MUC17: variants seen among roughly 807,000 people sequenced by gnomAD.
The protein encoded by MUC17 is mucin-17.
MUC17 carries 190 observed loss-of-function variants against 170.3 expected under a neutral mutation model. The ratio of observed to expected loss-of-function variants is 1.12; its 90% CI spans 0.99 to 1.26. MUC17 has a LOEUF of 1.26. Ranked by LOEUF, MUC17 falls within the 50% of genes most tolerant of loss-of-function variation. The pLI, the probability that MUC17 is intolerant of heterozygous loss-of-function variation, is 0.00. For missense variants in MUC17, 6,415 were observed against 5,530.0 expected, an observed-to-expected ratio of 1.16 and a Z score of -5.08; for synonymous variants, 2,325 against 2,002.5, an observed-to-expected ratio of 1.16 and a Z score of -4.30.
chr7:101,028,582 T>C (rs1027767625), intron 1 of MUC17, among the ~76,000 whole-genome samples: 1 of 152,046 alleles, frequency 6.6e-6, no homozygotes, highest in Non-Finnish European at 1.5e-5. Flanking sequence ...GGAACAGTTA[T>C]AGAAGCTATT....
chr7:101,046,891 A>C (rs542642655), intron 3 of MUC17, among the ~76,000 whole-genome samples: 25 of 152,126 alleles, frequency 1.6e-4, no homozygotes, highest in African/African-American at 5.8e-4. Flanking sequence ...CATCCTGGCT[A>C]ACACGGTGAA....
rs540696964 is a variant in MUC17, at chr7:101,043,504, G to A, written c.12088G>A (p.Ala4030Thr). ...GCTTSASTLS[A>T]TSTPHTSTSV... ...CACTACTTCTGCATCAACGCTTTCT[G>A]CAACCAGTACACCTCACACCTCTAC... Residue 4030 changes from alanine (A) to threonine (T), a missense_variant, in exon 3 of 13, where the codon GCA becomes ACA. By Grantham distance (58) the Ala-to-Thr change is moderately conservative. Coordinates refer to ENST00000306151, the MANE Select transcript of MUC17 (RefSeq NM_001040105.2). The A allele has an allele frequency of 2.5e-6, 4 of 1,614,144 alleles. No individual in the cohort carries two copies. The Middle Eastern group carries it at 4.9e-4, about 200-fold the overall frequency.
rs1281237045 is a variant in MUC17, at chr7:101,037,771, G to T, written c.6355G>T (p.Ala2119Ser). The T allele has an allele frequency of 6.2e-7, 1 of 1,613,092 alleles. No homozygotes were observed. Among genetic ancestry groups the T allele is most frequent in the Non-Finnish European group, 8.5e-7 (1 of 1,179,502 alleles). ...LSTTPVASPE[A>S]STLSTTPVDS... Reference sequence around the variant, plus strand: ...CACCACGCCGGTGGCCAGTCCTGAGGCTAGCACCCTTTCAACAACTCCTGT... The same window carrying T: ...CACCACGCCGGTGGCCAGTCCTGAGTCTAGCACCCTTTCAACAACTCCTGT... Residue 2119 changes from alanine (A) to serine (S), a missense_variant, in exon 3 of 13, where the codon GCT (alanine) becomes TCT (serine). Coordinates refer to ENST00000306151, the MANE Select transcript of MUC17 (RefSeq NM_001040105.2).
rs535176046 is a variant in MUC17 at position 101,039,987 on chromosome 7, C to G, written c.8571C>G (p.Ile2857Met). The change falls in exon 3 of 13, where the codon ATC becomes ATG. Residue 2857 changes from isoleucine to methionine, a missense_variant. Transcript: ENST00000306151. ...ASSSPTTAEG[I>M]VVPISTASEG... ...CATCTCCTACAACTGCTGAAGGTAT[C>G]GTCGTGCCAATCTCAACTGCTAGTG... 2 of 1,613,198 alleles carry G rather than the reference C, an allele frequency of 1.2e-6. No homozygotes were observed. The highest frequency in any genetic ancestry group is 2.7e-5 in the African/African-American group (2 of 74,764).
At chr7:101,027,186 G>T (rs1794195873) in intron 1 of MUC17, among the ~76,000 whole-genome samples, 1 of 151,954 alleles carries the variant, frequency 6.6e-6, no homozygotes, top group East Asian at 1.9e-4. Context: ...GTAATAAAAA[G>T]AAATTATATT....
intron 12 of MUC17, among the ~76,000 whole-genome samples, 169 bp downstream of exon 12, chr7:101,056,439 G>A (rs1438323153): frequency 6.6e-6 from 1 of 152,174 alleles, no homozygotes; most frequent in Non-Finnish European, 1.5e-5. Context: ...CTCAGGGGAA[G>A]AATAAAAGCT....
rs1794874872 is a variant in MUC17, at chr7:101,048,129, C to CT, written c.12535+14_12535+15insT. Reference sequence around the variant, plus strand: ...GCATTGACATAGGTGAGTGCAACCCCAGGCCTTCCCCCACCCCATGCCCTG... The same window carrying CT: ...GCATTGACATAGGTGAGTGCAACCCCTAGGCCTTCCCCCACCCCATGCCCTG... On this transcript the variant is annotated intron_variant, in intron 4 of 12. Coordinates refer to ENST00000306151, the MANE Select transcript of MUC17 (RefSeq NM_001040105.2). The CT allele has an allele frequency of 3.9e-6, 6 of 1,555,684 alleles. No individual in the cohort carries two copies. In the South Asian group the frequency reaches 7.2e-5, roughly 19 times the overall value.
At chr7:101,056,480 C>G (rs1795047869) in intron 12 of MUC17, among the ~76,000 whole-genome samples, 1 of 152,196 alleles carries the variant, frequency 6.6e-6, no homozygotes, top group Non-Finnish European at 1.5e-5. Flanking sequence ...TTTCCTTTGA[C>G]CCCTGAGGCT....
Position 101,035,957 on chromosome 7 carries a change from C to G in MUC17, c.4541C>G (p.Thr1514Ser). ...IAISTPSEGSTALTSIPVSTT... is the reference protein window; with the variant it reads ...IAISTPSEGSSALTSIPVSTT... ...ATCTCAACGCCTAGTGAAGGAAGCA[C>G]TGCATTAACAAGTATACCTGTCAGC... Residue 1514 changes from threonine to serine, a missense_variant, in exon 3 of 13, where the codon ACT (threonine) becomes AGT (serine). Coordinates refer to ENST00000306151, the MANE Select transcript of MUC17 (RefSeq NM_001040105.2). 1 of 1,612,872 alleles carries G rather than the reference C, an allele frequency of 6.2e-7. No individual in the cohort carries two copies. Among genetic ancestry groups the G allele is most frequent in the South Asian group, 1.1e-5 (1 of 90,910 alleles).
Position 101,058,078 on chromosome 7 carries a change from T to C in MUC17, c.*34T>C. On this transcript the variant is annotated 3_prime_UTR_variant, in exon 13 of 13. Coordinates refer to ENST00000306151, the MANE Select transcript of MUC17 (RefSeq NM_001040105.2). Reference sequence around the variant, plus strand: ...GCTGAGAAGTCTGGGAGTGAGGAGATCCCAGTCCGGCTAAGCTTGGTGGAG... The same window carrying C: ...GCTGAGAAGTCTGGGAGTGAGGAGACCCCAGTCCGGCTAAGCTTGGTGGAG... The C allele has an allele frequency of 1.9e-6, 3 of 1,604,564 alleles. No homozygotes were observed. Among genetic ancestry groups the C allele is most frequent in the Admixed American group, 1.7e-5 (1 of 59,840 alleles).
chr7:101,031,276 C>G, intron 2 of MUC17, 55 bp downstream of exon 2: 14 of 1,567,996 alleles, frequency 8.9e-6, no homozygotes, highest in Non-Finnish European at 1.2e-5. Flanking sequence ...TGCGAAAGGG[C>G]TAGAGCGACC....
Position 101,036,068 on chromosome 7 carries a change from C to T in MUC17, c.4652C>T (p.Ala1551Val), listed in dbSNP as rs767001649. 3.1e-6 allele frequency: 5 copies of T among 1,611,876 alleles called. No homozygotes were observed. The highest frequency in any genetic ancestry group is 3.3e-5 in the Admixed American group (2 of 59,864). The change falls in exon 3 of 13, where the codon GCC (alanine) becomes GTC (valine). Residue 1551 changes from alanine (A) to valine (V), a missense_variant. Coordinates refer to ENST00000306151, the MANE Select transcript of MUC17 (RefSeq NM_001040105.2). ...TSTPVTTYSQ[A>V]SSSPTTADGT... Reference sequence around the variant, plus strand: ...ACACCTGTGACCACTTATTCTCAAGCCAGTTCATCTCCTACAACTGCTGAC... The same window carrying T: ...ACACCTGTGACCACTTATTCTCAAGTCAGTTCATCTCCTACAACTGCTGAC...
chr7:101,045,663 G>T (rs757111750), intron 3 of MUC17, among the ~76,000 whole-genome samples: 4 of 152,172 alleles, frequency 2.6e-5, no homozygotes, highest in Non-Finnish European at 4.4e-5. Flanking sequence ...AAAGTGTTAG[G>T]ATTACAGGTG....
chr7:101,037,202 C>T lies in MUC17; in HGVS notation c.5786C>T (p.Thr1929Ile). ...CCTAGGGAAGGAAGGCCTCCATTAA[C>T]AAGTATACCTGTCAGCACCACAACA... Reference protein sequence around the residue: ...STPREGRPPLTSIPVSTTTVA... With the variant: ...STPREGRPPLISIPVSTTTVA... Residue 1929 changes from threonine to isoleucine, a missense_variant, in exon 3 of 13, where the codon ACA (threonine) becomes ATA (isoleucine). Coordinates refer to ENST00000306151, the MANE Select transcript of MUC17 (RefSeq NM_001040105.2). The T allele has an allele frequency of 6.2e-7, 1 of 1,613,482 alleles. No homozygotes were observed. The highest frequency in any genetic ancestry group is 8.5e-7 in the Non-Finnish European group (1 of 1,179,660).
intron 1 of MUC17, among the ~76,000 whole-genome samples, chr7:101,020,675 C>T (rs954462629): frequency 2.6e-5 from 4 of 152,074 alleles, no homozygotes; most frequent in African/African-American, 7.2e-5. Context: ...GGAATGTTTC[C>T]GGGACATAGC....
At position 101,039,587 on chromosome 7, in the gene MUC17, C is replaced by A; in HGVS notation, c.8171C>A (p.Thr2724Asn). The change falls in exon 3 of 13, where the codon ACC becomes AAC. Residue 2724 changes from threonine (T) to asparagine (N), a missense_variant. Physicochemically the swap from Thr to Asn is moderately conservative, Grantham distance 65 (BLOSUM62 0). Coordinates refer to ENST00000306151, the MANE Select transcript of MUC17 (RefSeq NM_001040105.2). ...CCTGTTGACACCAGCACACCTGTCA[C>A]CACTTCTGCTGAAGCCAGTTCTTCT... is the stretch of plus-strand genomic sequence containing the variant. ...TTPVDTSTPV[T>N]TSAEASSSPT... 6.2e-7 allele frequency: 1 copy of A among 1,612,638 alleles called. No homozygotes were observed. The highest frequency in any genetic ancestry group is 8.5e-7 in the Non-Finnish European group (1 of 1,179,214).
At chr7:101,053,308 A>C (rs1794987747) in intron 10 of MUC17, 31 bp from the exon 11 acceptor site, 1 of 1,602,636 alleles carries the variant, frequency 6.2e-7, no homozygotes, top group African/African-American at 1.3e-5. Flanking sequence ...CCCCAATCCT[A>C]ATGGGGTCTC....
Position 101,043,689 on chromosome 7 carries a change from CATGA to C in MUC17, c.12274_12277del (p.Met4092ProfsTer16), listed in dbSNP as rs750560882. On this transcript the variant is annotated frameshift_variant, in exon 3 of 13. Transcript: ENST00000306151. LOFTEE classifies it high-confidence loss of function. Reference sequence around the variant, plus strand: ...CTGTGAACCCTGAGGCTGTCACCACCATGACCACCAGGACAAAACCCAGCACACG... The same window carrying C: ...CTGTGAACCCTGAGGCTGTCACCACCCCACCAGGACAAAACCCAGCACACG... The C allele has an allele frequency of 1.2e-6, 2 of 1,614,170 alleles. No individual in the cohort carries two copies. Among genetic ancestry groups the C allele is most frequent in the Non-Finnish European group, 1.7e-6 (2 of 1,180,046 alleles).
Position 101,031,672 on chromosome 7 carries a change from A to G in MUC17, c.256A>G (p.Ser86Gly), listed in dbSNP as rs781190772. ...GGAGCCAAGAATGTATTTGAGTTGC[A>G]GCACCAACCCTGAGATGACCTCGAT... Reference protein sequence around the residue: ...VVEPRMYLSCSTNPEMTSIES... With the variant: ...VVEPRMYLSCGTNPEMTSIES... The change falls in exon 3 of 13, where the codon AGC (serine) becomes GGC (glycine). Residue 86 changes from serine to glycine, a missense_variant. By Grantham distance (56) the Ser-to-Gly change is moderately conservative (BLOSUM62 0). Transcript: ENST00000306151. 35 of 1,587,716 alleles carry G rather than the reference A, an allele frequency of 2.2e-5. No homozygotes were observed. The highest frequency in any genetic ancestry group is 2.8e-5 in the Non-Finnish European group (33 of 1,166,376).
Sources: gnomAD v4.1 joint callset for allele counts (sites outside exome capture counted in the v4.1 genomes callset) on GRCh38, gnomAD v4.1.1 for gene constraint, MANE v1.5 for transcripts, NCBI Gene and HGNC (gene_info 2026-07-23, HGNC 2026-07-21) for gene names.